The following COL26A1 variants were observed in gnomAD, a reference collection of about 807,000 sequenced individuals.
COL26A1 encodes collagen alpha-1(XXVI) chain.
A neutral mutation model predicts 59.3 loss-of-function variants in COL26A1; 41 were observed. That is an observed-to-expected ratio of 0.69 (90% CI 0.54 to 0.90). The LOEUF (loss-of-function observed/expected upper bound fraction) is 0.90, where lower values mean the gene tolerates loss of function less well. Ranked by LOEUF, COL26A1 falls within the 40% of genes least tolerant of loss-of-function variation. The pLI is 0.00. For synonymous variants in COL26A1, 266 were observed against 256.0 expected, an observed-to-expected ratio of 1.04 and a Z score of -0.37; for missense variants, 612 against 602.3, an observed-to-expected ratio of 1.02 and a Z score of -0.17.
At chr7:101,547,812 C>T (rs1346061379) in intron 8 of COL26A1, among the ~76,000 whole-genome samples, 2 of 133,036 alleles carry the variant, frequency 1.5e-5, no homozygotes, top group South Asian at 4.3e-4. Context: ...TTCATTCATT[C>T]GTTCATTCAT....
At chr7:101,549,405 G>A (rs951420777) in intron 9 of COL26A1, among the ~76,000 whole-genome samples, 182 bp downstream of exon 9, 3 of 151,992 alleles carry the variant, frequency 2.0e-5, no homozygotes, top group African/African-American at 7.3e-5. Context: ...TTTTTGAGAT[G>A]GAGTCTCTCT....
chr7:101,371,839 A>C (rs1003148568), intron 1 of COL26A1, among the ~76,000 whole-genome samples: 2 of 152,112 alleles, frequency 1.3e-5, no homozygotes, highest in Non-Finnish European at 2.9e-5. Context: ...TGATGAGCTC[A>C]GAGACTGGTT....
chr7:101,387,373 T>TG (rs1791601842), intron 1 of COL26A1, among the ~76,000 whole-genome samples: 2 of 104,932 alleles, frequency 1.9e-5, no homozygotes, highest in Non-Finnish European at 4.2e-5. Context: ...CCCGACACAC[T>TG]GAAAAAAAAA....
chr7:101,487,185 G>T lies in COL26A1; in HGVS notation c.385+39398G>T, dbSNP rs185101029. On this transcript the variant is annotated intron_variant, in intron 3 of 12. Coordinates refer to ENST00000313669, the MANE Select transcript of COL26A1 (RefSeq NM_001278563.3). The stretch of plus-strand genomic sequence containing the variant: ...GGTCACAGACACTGGACACCAGTTT[G>T]CGAGGTCCTGGAGAAAAGGACCTTG... 1.5e-3 allele frequency among the ~76,000 whole-genome samples: 234 copies of T among 152,338 alleles called. 4 individuals are homozygous for T. The highest frequency in any genetic ancestry group is 5.3e-3 in the African/African-American group (219 of 41,584).
At chr7:101,455,260 T>G (rs1793441772) in intron 3 of COL26A1, among the ~76,000 whole-genome samples, 1 of 151,644 alleles carries the variant, frequency 6.6e-6, no homozygotes, top group Admixed American at 6.6e-5. Flanking sequence ...CCCAGGCTGG[T>G]CTCCAACTCC....
chr7:101,425,440 C>T (rs1398948043), intron 2 of COL26A1, among the ~76,000 whole-genome samples: 2 of 152,124 alleles, frequency 1.3e-5, no homozygotes, highest in Admixed American at 1.3e-4. Context: ...GGAGATGAAG[C>T]AGCATTACTG....
chr7:101,521,099 A>T (rs1403983429), intron 3 of COL26A1, among the ~76,000 whole-genome samples: 1 of 152,196 alleles, frequency 6.6e-6, no homozygotes, highest in African/African-American at 2.4e-5. Flanking sequence ...AGGGGAAGCA[A>T]GGCGTGTCTT....
chr7:101,362,696 T>G (rs1422691152), upstream of COL26A1: 1 of 362,960 alleles, frequency 2.8e-6, no homozygotes, highest in Non-Finnish European at 5.0e-6. Flanking sequence ...GCGCGAGGTC[T>G]GGCTTTCGGG....
intron 1 of COL26A1, among the ~76,000 whole-genome samples, chr7:101,372,013 G>A (rs895446623): frequency 1.3e-5 from 2 of 152,118 alleles, no homozygotes; most frequent in African/African-American, 4.8e-5. Flanking sequence ...TTGTTCTGGG[G>A]CTTACATGGG....
chr7:101,372,189 G>A (rs781350325), intron 1 of COL26A1, among the ~76,000 whole-genome samples: 21 of 150,534 alleles, frequency 1.4e-4, no homozygotes, highest in Non-Finnish European at 1.6e-4. Context: ...TTTTTGAGAC[G>A]GAGTCTGGCT....
At position 101,415,458 on chromosome 7, in the gene COL26A1, C is replaced by G. The variant is rs538615278; in HGVS notation, c.159-4519C>G. The stretch of plus-strand genomic sequence containing the variant: ...CGTGAGCCACTGTGCCCAGCCTCAT[C>G]ATAACCTTAAAAGTTAGATTTTAAA... On this transcript the variant is annotated intron_variant, in intron 1 of 12. Coordinates refer to ENST00000313669, the MANE Select transcript of COL26A1 (RefSeq NM_001278563.3). Among the ~76,000 whole-genome samples, 6 of 151,960 alleles carry G rather than the reference C, an allele frequency of 3.9e-5. No individual in the cohort carries two copies. The East Asian group carries it at 1.2e-3, about 30-fold the overall frequency.
At chr7:101,384,230 GTTTT>G (rs35085221) in intron 1 of COL26A1, among the ~76,000 whole-genome samples, 1 of 105,678 alleles carries the variant, frequency 9.5e-6, no homozygotes, top group Non-Finnish European at 1.8e-5. Context: ...GTTCAGGCTG[GTTTT>G]TTTTTTTTTT....
rs1213535999 is a variant in COL26A1, at chr7:101,362,906, C to T, written c.-127C>T. 5 of 984,858 alleles carry T rather than the reference C, an allele frequency of 5.1e-6. No individual in the cohort carries two copies. Among genetic ancestry groups the T allele is most frequent in the African/African-American group, 3.5e-5 (2 of 57,494 alleles). 61.0% of individuals were successfully genotyped at this position (984,858 alleles called of 1,614,324 possible). On this transcript the variant is annotated 5_prime_UTR_variant, in exon 1 of 13. Coordinates refer to ENST00000313669, the MANE Select transcript of COL26A1 (RefSeq NM_001278563.3). ...CACACATTTCCAGCTCGCACCCGGGCTCCGACCGCTCGCCCCGCTCCTCTC... is the reference window on the plus strand; with the variant it reads ...CACACATTTCCAGCTCGCACCCGGGTTCCGACCGCTCGCCCCGCTCCTCTC...
chr7:101,555,851 A>T lies in COL26A1; in HGVS notation c.1145A>T (p.Glu382Val). ...CTGGCAGAGCGAGTCCTCATCCTGG[A>T]GCACATGATTGGGATCCACGGTGAG... Reference protein sequence around the residue: ...KILAERVLILEHMIGIHDPLA... With the variant: ...KILAERVLILVHMIGIHDPLA... Residue 382 changes from glutamate to valine, a missense_variant, in exon 12 of 13, where the codon GAG (glutamate) becomes GTG (valine). Coordinates refer to ENST00000313669, the MANE Select transcript of COL26A1 (RefSeq NM_001278563.3). The T allele has an allele frequency of 6.2e-7, 1 of 1,610,912 alleles. No individual in the cohort carries two copies. The highest frequency in any genetic ancestry group is 8.5e-7 in the Non-Finnish European group (1 of 1,178,914).
chr7:101,379,845 C>A (rs907240156), intron 1 of COL26A1, among the ~76,000 whole-genome samples: 6 of 152,208 alleles, frequency 3.9e-5, no homozygotes, highest in Non-Finnish European at 8.8e-5. Context: ...CAGGAAGTTA[C>A]CTTTTATGGT....
At position 101,383,826 on chromosome 7, in the gene COL26A1, C is replaced by T. The variant is rs776083840; in HGVS notation, c.158+20636C>T. Among the ~76,000 whole-genome samples the T allele has an allele frequency of 4.6e-5, 7 of 151,668 alleles. No homozygotes were observed. The East Asian group carries it at 5.8e-4, about 13-fold the overall frequency. On this transcript the variant is annotated intron_variant, in intron 1 of 12. Transcript: ENST00000313669. ...CTGGGATTACAGGCATGAGCCACAG[C>T]GCCCTGCCTAATTTTGTATTTTTAG...
chr7:101,422,992 C>A (rs574435604), intron 2 of COL26A1, among the ~76,000 whole-genome samples: 1 of 152,106 alleles, frequency 6.6e-6, no homozygotes, highest in African/African-American at 2.4e-5. Context: ...CAGCCGGGCA[C>A]GGTGGCTCAC....
chr7:101,388,570 C>A (rs996761186), intron 1 of COL26A1, among the ~76,000 whole-genome samples: 21 of 139,390 alleles, frequency 1.5e-4, no homozygotes, highest in South Asian at 2.4e-4. Flanking sequence ...CACCTATTTT[C>A]TTTTTTTTTT....
At chr7:101,428,377 A>C (rs1369706214) in intron 2 of COL26A1, among the ~76,000 whole-genome samples, 1 of 151,858 alleles carries the variant, frequency 6.6e-6, no homozygotes, top group Non-Finnish European at 1.5e-5. Context: ...AAAAAAAGGC[A>C]AAGAGAATGA....
Sources: gnomAD v4.1 joint callset for allele counts (sites outside exome capture counted in the v4.1 genomes callset) on GRCh38, gnomAD v4.1.1 for gene constraint, MANE v1.5 for transcripts, NCBI Gene and HGNC (gene_info 2026-07-23, HGNC 2026-07-21) for gene names.